Variants in CSNK1G1 observed in about 807,000 individuals in gnomAD.
CSNK1G1 encodes casein kinase I isoform gamma-1.
CSNK1G1 carries 22 observed loss-of-function variants against 59.6 expected under a neutral mutation model. The observed-to-expected ratio is 0.37, with a 90% confidence interval of 0.26 to 0.53. CSNK1G1 has a LOEUF of 0.53. Among genes scored for constraint, CSNK1G1 ranks in the 20% least tolerant of loss-of-function variants. The pLI is 0.89. For synonymous variants in CSNK1G1, 179 were observed against 177.1 expected (o/e 1.01, Z -0.08); for missense variants, 384 against 519.5 (o/e 0.74, Z 2.54).
At chr15:64,307,105 C>CAAAT (rs1184902586) in intron 1 of CSNK1G1, among the ~76,000 whole-genome samples, 2 of 152,010 alleles carry the variant, frequency 1.3e-5, no homozygotes, top group Non-Finnish European at 2.9e-5. Flanking sequence ...ATGTATAATA[C>CAAAT]AAATAGTGTA....
intron 1 of CSNK1G1, among the ~76,000 whole-genome samples, chr15:64,307,928 C>T (rs1025769130): frequency 1.3e-5 from 2 of 152,074 alleles, no homozygotes; most frequent in African/African-American, 4.8e-5. Flanking sequence ...CTTCATGATC[C>T]ACCCGCCTCA....
At chr15:64,192,355 TC>T (rs1016493609) in intron 10 of CSNK1G1, among the ~76,000 whole-genome samples, 5 of 152,242 alleles carry the variant, frequency 3.3e-5, no homozygotes, top group African/African-American at 1.2e-4. Context: ...TTTAAAATTT[TC>T]AGTCGTGATT....
intron 2 of CSNK1G1, among the ~76,000 whole-genome samples, chr15:64,272,284 C>T (rs1476517236): frequency 2.0e-5 from 3 of 151,712 alleles, no homozygotes; most frequent in Non-Finnish European, 2.9e-5. Flanking sequence ...GGCGCAATCT[C>T]GGCTCACTGC....
chr15:64,196,632 A>C (rs966764016), intron 10 of CSNK1G1, among the ~76,000 whole-genome samples: 8 of 151,776 alleles, frequency 5.3e-5, no homozygotes, highest in Non-Finnish European at 1.2e-4. Flanking sequence ...TGTATTTTTT[A>C]GTAGAGATGG....
Position 64,188,786 on chromosome 15 carries a change from G to A in CSNK1G1, c.1108-8332C>T, listed in dbSNP as rs1369966939. On this transcript the variant is annotated intron_variant, in intron 10 of 11. Coordinates refer to ENST00000303052, the MANE Select transcript of CSNK1G1 (RefSeq NM_022048.5). The surrounding 1 kb of genome is among the most constrained non-coding windows in gnomAD (Gnocchi z 4.2). The stretch of plus-strand genomic sequence containing the variant: ...CAGTCAAAGCTGGGATCATCTTTTA[G>A]TTTCCATAGAGGTAAAATTTCAGTA... Among the ~76,000 whole-genome samples, 1 of 152,144 alleles carries A rather than the reference G, an allele frequency of 6.6e-6. No individual in the cohort carries two copies. Among genetic ancestry groups the A allele is most frequent in the African/African-American group, 2.4e-5 (1 of 41,434 alleles).
chr15:64,259,782 T>C (rs1892597451), intron 2 of CSNK1G1, among the ~76,000 whole-genome samples: 1 of 152,158 alleles, frequency 6.6e-6, no homozygotes, highest in Admixed American at 6.5e-5. Flanking sequence ...AAGGAGATGA[T>C]TCTCAAAGCT....
At chr15:64,312,552 A>G (rs1482175498) in intron 1 of CSNK1G1, among the ~76,000 whole-genome samples, 2 of 152,230 alleles carry the variant, frequency 1.3e-5, no homozygotes, top group Non-Finnish European at 2.9e-5. Context: ...GGCTAGCCAT[A>G]TGCAGAAAAC....
chr15:64,273,610 T>C (rs149017591), intron 2 of CSNK1G1, among the ~76,000 whole-genome samples: 6 of 151,680 alleles, frequency 4.0e-5, no homozygotes, highest in African/African-American at 1.5e-4. Context: ...ATGTGAGGGA[T>C]AAGGAAAACG....
chr15:64,289,286 T>C (rs192185110), intron 2 of CSNK1G1, among the ~76,000 whole-genome samples: 25 of 152,296 alleles, frequency 1.6e-4, no homozygotes, highest in African/African-American at 5.8e-4. Flanking sequence ...CTTGCAAGTA[T>C]TGTATCTGTG....
chr15:64,172,928 G>T (rs2081692521), intron 11 of CSNK1G1, among the ~76,000 whole-genome samples: 1 of 152,204 alleles, frequency 6.6e-6, no homozygotes, highest in African/African-American at 2.4e-5. Flanking sequence ...AGAAGCAGGT[G>T]ATGAGTGCTG....
intron 2 of CSNK1G1, among the ~76,000 whole-genome samples, chr15:64,286,725 C>T (rs1461959088): frequency 1.3e-5 from 2 of 152,126 alleles, no homozygotes; most frequent in East Asian, 3.8e-4. Context: ...TTATGGAAAT[C>T]TACCCCTAGC....
chr15:64,260,882 A>G (rs567792854), intron 2 of CSNK1G1, among the ~76,000 whole-genome samples: 7 of 152,308 alleles, frequency 4.6e-5, no homozygotes, highest in African/African-American at 1.7e-4. Flanking sequence ...TTACGTGTCA[A>G]AGAGTACACT....
chr15:64,241,804 A>G (rs1180200274), intron 4 of CSNK1G1, among the ~76,000 whole-genome samples: 2 of 151,502 alleles, frequency 1.3e-5, no homozygotes, highest in African/African-American at 4.9e-5. Context: ...TCAAGAAACT[A>G]GAAAAGAAAA....
intron 1 of CSNK1G1, among the ~76,000 whole-genome samples, chr15:64,313,057 C>T (rs1896079414): frequency 6.6e-6 from 1 of 152,134 alleles, no homozygotes; most frequent in Admixed American, 6.5e-5. Context: ...AATGAGATAC[C>T]ATCTCACGCC....
At position 64,251,648 on chromosome 15, in the gene CSNK1G1, T is replaced by C. The variant is rs988177968; in HGVS notation, c.223-67A>G. 5 of 1,181,534 alleles carry C rather than the reference T, an allele frequency of 4.2e-6. No homozygotes were observed. The African/African-American group carries it at 6.1e-5, about 14-fold the overall frequency. The allele number at this position is 1,181,534 out of a possible 1,614,324, so 73.2% of individuals were successfully genotyped here. On this transcript the variant is annotated intron_variant, in intron 3 of 11. Coordinates refer to ENST00000303052, the MANE Select transcript of CSNK1G1 (RefSeq NM_022048.5). ...TGGGATTTTTCCATTCTTAAATTTT[T>C]GGAGTAAACGAGGGCTAAGATCACC...
chr15:64,346,556 CAAGT>C (rs1897991393), intron 1 of CSNK1G1, among the ~76,000 whole-genome samples: 2 of 151,972 alleles, frequency 1.3e-5, no homozygotes, highest in Admixed American at 6.6e-5. Context: ...CTCCCAGGTT[CAAGT>C]GATTCTCCTG....
chr15:64,332,723 T>A (rs557529907), intron 1 of CSNK1G1, among the ~76,000 whole-genome samples: 6 of 145,252 alleles, frequency 4.1e-5, no homozygotes, highest in African/African-American at 1.0e-4. Flanking sequence ...CAAAACAATT[T>A]AAAAAAAAAC....
At chr15:64,217,173 G>A (rs548981393) in intron 4 of CSNK1G1, among the ~76,000 whole-genome samples, 8 of 152,346 alleles carry the variant, frequency 5.3e-5, no homozygotes, top group African/African-American at 1.7e-4. Context: ...TTGCCCTATG[G>A]ACAACTCAGA....
intron 2 of CSNK1G1, among the ~76,000 whole-genome samples, chr15:64,278,289 C>G (rs1400477551): frequency 1.3e-5 from 2 of 151,530 alleles, no homozygotes; most frequent in Non-Finnish European, 2.9e-5. Flanking sequence ...TCAGGTAATC[C>G]ACCCGCCTCG....
Sources: allele counts gnomAD v4.1 joint callset (sites outside exome capture counted in the v4.1 genomes callset), GRCh38; gene constraint gnomAD v4.1.1; non-coding constraint Gnocchi (gnomAD v3.1); transcripts MANE v1.5; gene names NCBI Gene and HGNC (gene_info 2026-07-23, HGNC 2026-07-21).